Variants in GMDS observed in about 807,000 individuals in gnomAD.
GMDS encodes GDP-mannose 4,6 dehydratase.
A neutral mutation model predicts 49.9 loss-of-function variants in GMDS; 20 were observed. The ratio of observed to expected loss-of-function variants is 0.40; its 90% CI spans 0.28 to 0.58. GMDS has a LOEUF of 0.58. GMDS is among the 20% of genes least tolerant of loss of function. The probability of loss-of-function intolerance (pLI) is 0.42; values close to 1 mark genes in which losing one functional copy is unlikely to be tolerated. For missense variants in GMDS, 362 were observed against 481.4 expected, an observed-to-expected ratio of 0.75 and a Z score of 2.32; for synonymous variants, 177 against 178.6, an observed-to-expected ratio of 0.99 and a Z score of 0.07.
chr6:2,211,830 T>C (rs1780074963), intron 1 of GMDS, among the ~76,000 whole-genome samples: 1 of 152,228 alleles, frequency 6.6e-6, no homozygotes, highest in South Asian at 2.1e-4. Context: ...TGTTACCAAG[T>C]TTACGACTTC....
intron 1 of GMDS, among the ~76,000 whole-genome samples, chr6:2,136,929 G>GA (rs1776037408): frequency 1.4e-5 from 2 of 144,902 alleles, no homozygotes; most frequent in Admixed American, 1.4e-4. Flanking sequence ...AAAAAAGAAA[G>GA]AAAAACTGAT....
intron 9 of GMDS, among the ~76,000 whole-genome samples, chr6:1,675,050 G>A (rs545087070): frequency 2.0e-5 from 3 of 152,028 alleles, no homozygotes; most frequent in Admixed American, 6.6e-5. Context: ...CGATTCTCCT[G>A]CCTCAGCCTC....
At chr6:1,771,283 T>C (rs933768292) in intron 7 of GMDS, among the ~76,000 whole-genome samples, 3 of 152,182 alleles carry the variant, frequency 2.0e-5, no homozygotes, top group African/African-American at 4.8e-5. Flanking sequence ...CTTCTCTTCC[T>C]CCTCACTCTC....
chr6:1,657,523 A>C (rs904224706), intron 9 of GMDS, among the ~76,000 whole-genome samples: 12 of 152,212 alleles, frequency 7.9e-5, no homozygotes, highest in Non-Finnish European at 1.5e-5. Flanking sequence ...TACAGCATTG[A>C]CTAGCCTAGG....
intron 9 of GMDS, among the ~76,000 whole-genome samples, chr6:1,653,517 T>C (rs900041596): frequency 1.3e-5 from 2 of 152,104 alleles, no homozygotes; most frequent in African/African-American, 4.8e-5. Context: ...CAACAAACAA[T>C]AGCAAAGTTG....
intron 6 of GMDS, among the ~76,000 whole-genome samples, chr6:1,955,557 C>T (rs1163659997): frequency 6.6e-6 from 1 of 152,064 alleles, no homozygotes. Flanking sequence ...AGCACAAGTG[C>T]CATCCACCCT....
At chr6:1,832,326 G>A (rs1405643244) in intron 7 of GMDS, among the ~76,000 whole-genome samples, 1 of 151,954 alleles carries the variant, frequency 6.6e-6, no homozygotes, top group Non-Finnish European at 1.5e-5. Flanking sequence ...CCAGGAGTTT[G>A]AGGTTGCAGT....
In GMDS at chr6:1,799,243, G is replaced by A. The variant is rs112532994; in HGVS notation, c.772-56657C>T. 7.4e-3 allele frequency among the ~76,000 whole-genome samples: 1,128 copies of A among 152,090 alleles called. 11 individuals carry two copies. The highest frequency in any genetic ancestry group is 0.025 in the African/African-American group (1,045 of 41,454). ...GCTTCCCGCTGGCAAAGAGTCCCCCGCTCCCTCCTTCTTTTCCCCTCAATG... is the reference window on the plus strand; with the variant it reads ...GCTTCCCGCTGGCAAAGAGTCCCCCACTCCCTCCTTCTTTTCCCCTCAATG... On this transcript the variant is annotated intron_variant, in intron 7 of 10. Transcript: ENST00000380815.
chr6:2,205,776 TG>T (rs1399363591), intron 1 of GMDS, among the ~76,000 whole-genome samples: 2 of 151,896 alleles, frequency 1.3e-5, no homozygotes, highest in Non-Finnish European at 2.9e-5. Context: ...GGTGTGTGTG[TG>T]GGGGGGGAGG....
intron 1 of GMDS, among the ~76,000 whole-genome samples, chr6:2,213,553 T>A (rs1173016519): frequency 6.6e-6 from 1 of 152,156 alleles, no homozygotes; most frequent in Non-Finnish European, 1.5e-5. Flanking sequence ...TACTATAGTT[T>A]GGGGTGAAGG....
chr6:1,684,752 T>C (rs1046734632), intron 9 of GMDS, among the ~76,000 whole-genome samples: 2 of 152,172 alleles, frequency 1.3e-5, no homozygotes, highest in Non-Finnish European at 2.9e-5. Context: ...TACACAACTG[T>C]ATATGGCCAA....
chr6:2,064,937 A>T (rs1562020147), intron 4 of GMDS, among the ~76,000 whole-genome samples: 1 of 152,312 alleles, frequency 6.6e-6, no homozygotes, highest in East Asian at 1.9e-4. Flanking sequence ...AAAGTTAAGC[A>T]GCTTGCTCAA....
intron 1 of GMDS, among the ~76,000 whole-genome samples, chr6:2,236,857 A>G (rs1199891997): frequency 6.6e-6 from 1 of 152,244 alleles, no homozygotes; most frequent in Admixed American, 6.5e-5. Context: ...CAAATGCTCA[A>G]GCATAATATA....
In GMDS at chr6:2,179,301, CA is replaced by C. The variant is rs200644551; in HGVS notation, c.103-54571del. ...CACAGAGAAGACAAAAAGGTTATGC[CA>C]AAAAAAAAATATTTTAGGGTTCTCC... On this transcript the variant is annotated intron_variant, in intron 1 of 10. Coordinates refer to ENST00000380815, the MANE Select transcript of GMDS (RefSeq NM_001500.4). 2.4e-3 allele frequency among the ~76,000 whole-genome samples: 350 copies of C among 147,162 alleles called. 1 individual carries two copies. Among genetic ancestry groups the C allele is most frequent in the East Asian group, 0.019 (98 of 5,120 alleles).
chr6:1,880,155 A>G (rs779868831), intron 7 of GMDS, among the ~76,000 whole-genome samples: 1 of 152,024 alleles, frequency 6.6e-6, no homozygotes, highest in Non-Finnish European at 1.5e-5. Flanking sequence ...TTACTGTTAT[A>G]AAAATTTTTA....
chr6:1,810,330 G>A (rs137921347), intron 7 of GMDS, among the ~76,000 whole-genome samples: 308 of 152,244 alleles, frequency 2.0e-3, no homozygotes, highest in African/African-American at 6.4e-3. Context: ...GTCTTGCTCC[G>A]TCACCCAGGC....
At chr6:1,745,742 GATTT>G (rs1481109585) in intron 7 of GMDS, among the ~76,000 whole-genome samples, 4 of 152,212 alleles carry the variant, frequency 2.6e-5, no homozygotes, top group African/African-American at 9.6e-5. Context: ...TACAACTCCA[GATTT>G]ATTTGTTATT....
intron 7 of GMDS, among the ~76,000 whole-genome samples, chr6:1,763,335 A>C (rs944607938): frequency 6.6e-6 from 1 of 152,222 alleles, no homozygotes; most frequent in Admixed American, 6.5e-5. Flanking sequence ...GACTATGCAA[A>C]GGGGCTGAAG....
chr6:2,023,920 G>A lies in GMDS; in HGVS notation c.346-62954C>T, dbSNP rs796474521. On this transcript the variant is annotated intron_variant, in intron 4 of 10. Coordinates refer to ENST00000380815, the MANE Select transcript of GMDS (RefSeq NM_001500.4). ...ATAGATAATATGTGAGTGAAGCAAG[G>A]AGACATGGTTGAGAATTTTCAATAA... 1.6e-4 allele frequency among the ~76,000 whole-genome samples: 24 copies of A among 152,288 alleles called. No homozygotes were observed. In the South Asian group the frequency reaches 2.9e-3, roughly 18 times the overall value.
Sources: gnomAD v4.1 joint callset for allele counts (sites outside exome capture counted in the v4.1 genomes callset) on GRCh38, gnomAD v4.1.1 for gene constraint, MANE v1.5 for transcripts, NCBI Gene and HGNC (gene_info 2026-07-23, HGNC 2026-07-21) for gene names.